Variants in STX12 observed in about 807,000 individuals in gnomAD.
STX12 encodes the protein syntaxin 12.
A neutral mutation model predicts 42.2 loss-of-function variants in STX12; 17 were observed. That is an observed-to-expected ratio of 0.40 (90% CI 0.28 to 0.60). STX12 has a LOEUF of 0.60. Ranked by LOEUF, STX12 falls within the 20% of genes least tolerant of loss-of-function variation. STX12 has a pLI of 0.39. For synonymous variants in STX12, 108 were observed against 116.7 expected (o/e 0.93, Z 0.48); for missense variants, 297 against 330.9 (o/e 0.90, Z 0.79).
Position 27,824,199 on chromosome 1 carries a change from C to A in STX12, c.*1870C>A, listed in dbSNP as rs1420915766. The A allele has an allele frequency of 1.3e-5, 2 of 152,026 alleles. No individual in the cohort carries two copies. 9.4% of individuals were successfully genotyped at this position (152,026 alleles called of 1,614,324 possible). A position where few individuals can be genotyped will look rare whatever the true frequency, so the allele number is the denominator to read the frequency against. On this transcript the variant is annotated 3_prime_UTR_variant, in exon 9 of 9. Transcript: ENST00000373943. ...TCCCTGTTTAACTCCAAATTACAGTCGGACTTGGATACATCATTTGTAACA... is the reference window on the plus strand; with the variant it reads ...TCCCTGTTTAACTCCAAATTACAGTAGGACTTGGATACATCATTTGTAACA...
intron 1 of STX12, among the ~76,000 whole-genome samples, chr1:27,788,064 T>C (rs1016493065): frequency 3.6e-4 from 55 of 152,194 alleles, no homozygotes; most frequent in African/African-American, 1.3e-3. Flanking sequence ...GAAAGCTGAA[T>C]GGCTGGAAGA....
intron 3 of STX12, among the ~76,000 whole-genome samples, chr1:27,796,300 A>G (rs2088785364): frequency 6.6e-6 from 1 of 151,986 alleles, no homozygotes; most frequent in Non-Finnish European, 1.5e-5. Flanking sequence ...ACATCAAACC[A>G]TACTCCTACT....
chr1:27,793,548 C>G lies in STX12; in HGVS notation c.204C>G (p.His68Gln). The change falls in exon 3 of 9, where the codon CAC (histidine) becomes CAG (glutamine). Residue 68 changes from histidine to glutamine, a missense_variant. Transcript: ENST00000373943. Reference protein sequence around the residue: ...KLQENLQQLQHSTNQLAKETN... With the variant: ...KLQENLQQLQQSTNQLAKETN... ...TCTCTCTTAGGCAACAGTTACAACA[C>G]TCCACAAATCAGCTCGCCAAGGAAA... 6.2e-7 allele frequency: 1 copy of G among 1,614,092 alleles called. No homozygotes were observed. The highest frequency in any genetic ancestry group is 2.2e-5 in the East Asian group (1 of 44,874).
At position 27,810,246 on chromosome 1, in the gene STX12, G is replaced by T; in HGVS notation, c.427G>T (p.Ala143Ser). 6.2e-7 allele frequency: 1 copy of T among 1,613,586 alleles called. No homozygotes were observed. The change falls in exon 5 of 9, where the codon GCA becomes TCA. Residue 143 changes from alanine (A) to serine (S), a missense_variant and splice_region_variant. By Grantham distance (99) the Ala-to-Ser change is moderately conservative. Transcript: ENST00000373943. ...ARARAGSRLS[A>S]EERQREEQLV... ...AGCAATAATACCATCTACTTTCTAGGCAGAAGAGAGGCAAAGAGAGGAGCA... is the reference window on the plus strand; with the variant it reads ...AGCAATAATACCATCTACTTTCTAGTCAGAAGAGAGGCAAAGAGAGGAGCA...
At chr1:27,787,826 A>G (rs2088709831) in intron 1 of STX12, among the ~76,000 whole-genome samples, 1 of 152,208 alleles carries the variant, frequency 6.6e-6, no homozygotes, top group Non-Finnish European at 1.5e-5. Context: ...CATTACCAAA[A>G]AGTAAATTTG....
At chr1:27,817,542 A>G (rs1432448606) in intron 6 of STX12, among the ~76,000 whole-genome samples, 1 of 152,240 alleles carries the variant, frequency 6.6e-6, no homozygotes, top group African/African-American at 2.4e-5. Context: ...CAGTCTCCAC[A>G]TAGGGCTATC....
chr1:27,806,141 A>G (rs186406693), intron 4 of STX12, among the ~76,000 whole-genome samples: 1 of 151,796 alleles, frequency 6.6e-6, no homozygotes, highest in Non-Finnish European at 1.5e-5. Context: ...ATATTGGGAA[A>G]CTCTTACAAT....
chr1:27,801,714 G>T lies in STX12; in HGVS notation c.325G>T (p.Asp109Tyr), dbSNP rs1331373478. The T allele has an allele frequency of 1.9e-6, 3 of 1,572,326 alleles. No homozygotes were observed. The highest frequency in any genetic ancestry group is 2.6e-6 in the Non-Finnish European group (3 of 1,165,122). ...ACTTCAGAAGGAACGCCTCATGAAT[G>T]ACTTCTCTGCAGCCTTAAACAATTT... ...QRLQKERLMNDFSAALNNFQA... is the reference protein window; with the variant it reads ...QRLQKERLMNYFSAALNNFQA... The change falls in exon 4 of 9, where the codon GAC (aspartate) becomes TAC (tyrosine). Residue 109 changes from aspartate to tyrosine, a missense_variant. Asp to Tyr is a radical substitution (Grantham distance 160). Transcript: ENST00000373943.
Position 27,808,265 on chromosome 1 carries a change from T to G in STX12, c.427-1981T>G, listed in dbSNP as rs114815971. Among the ~76,000 whole-genome samples the G allele has an allele frequency of 6.1e-3, 922 of 152,094 alleles. 12 individuals are homozygous for G. The highest frequency in any genetic ancestry group is 0.021 in the African/African-American group (874 of 41,542). On this transcript the variant is annotated intron_variant, in intron 4 of 8. Transcript: ENST00000373943. ...TATTGCTATTATAAAAAGGGTAAGC[T>G]TTTTAAAAATGAAAATACATTGATT...
chr1:27,783,215 C>T (rs1178817026), intron 1 of STX12, among the ~76,000 whole-genome samples: 1 of 152,166 alleles, frequency 6.6e-6, no homozygotes, highest in Non-Finnish European at 1.5e-5. Flanking sequence ...TGGATGTTAG[C>T]TGTAATGTAT....
rs1557795436 is a variant in STX12, at chr1:27,773,229, C to G, written c.-79C>G. The stretch of plus-strand genomic sequence containing the variant: ...CCCGCCCTTGCTCTTCCCAGTTTCT[C>G]CGTCAGCCTGCGGGTCCCGGCTGGC... On this transcript the variant is annotated 5_prime_UTR_variant, in exon 1 of 9. Transcript: ENST00000373943. 3 of 930,154 alleles carry G rather than the reference C, an allele frequency of 3.2e-6. No homozygotes were observed. The East Asian group carries it at 8.0e-5, about 25-fold the overall frequency. 57.6% of individuals were successfully genotyped at this position (930,154 alleles called of 1,614,324 possible).
chr1:27,793,599 G>A lies in STX12; in HGVS notation c.255G>A (p.Gly85=). 1 of 1,614,012 alleles carries A rather than the reference G, an allele frequency of 6.2e-7. No homozygotes were observed. The highest frequency in any genetic ancestry group is 8.5e-7 in the Non-Finnish European group (1 of 1,179,976). ...CAAATGAATTGCTGAAAGAATTAGG[G>A]TCCTTGCCCCTTCCCTTATCTACTT... ...KETNELLKEL[G]SLPLPLSTSE... The change falls in exon 3 of 9, where the codon GGG becomes GGA. Residue 85 remains glycine (G), a synonymous_variant. Transcript: ENST00000373943.
intron 8 of STX12, 128 bp downstream of exon 8, chr1:27,819,860 C>A (rs1378237644): frequency 3.0e-6 from 2 of 657,826 alleles, no homozygotes; most frequent in Non-Finnish European, 2.6e-6. Context: ...GTCATAATTG[C>A]AGTCCCAGTT....
At chr1:27,781,493 C>T (rs1168108931) in intron 1 of STX12, among the ~76,000 whole-genome samples, 8 of 152,134 alleles carry the variant, frequency 5.3e-5, no homozygotes, top group Admixed American at 5.2e-4. Context: ...ACCTATTTCT[C>T]AGTTTCCTTA....
intron 1 of STX12, among the ~76,000 whole-genome samples, chr1:27,786,497 C>T (rs879820356): frequency 1.3e-5 from 2 of 152,146 alleles, no homozygotes; most frequent in African/African-American, 2.4e-5. Context: ...GTATCCTCTG[C>T]CCACCGCTGT....
chr1:27,791,013 C>A (rs185947724), intron 2 of STX12, among the ~76,000 whole-genome samples: 1 of 152,034 alleles, frequency 6.6e-6, no homozygotes, highest in Non-Finnish European at 1.5e-5. Context: ...GTAATCCCAG[C>A]GCTTTGGGAG....
At chr1:27,799,478 T>G (rs1034634224) in intron 3 of STX12, among the ~76,000 whole-genome samples, 1 of 121,836 alleles carries the variant, frequency 8.2e-6, no homozygotes, top group Non-Finnish European at 1.6e-5. Context: ...CATTAGCTTG[T>G]TTTTTTTTTT....
At chr1:27,788,943 C>T (rs1461160280) in intron 1 of STX12, among the ~76,000 whole-genome samples, 5 of 151,720 alleles carry the variant, frequency 3.3e-5, no homozygotes, top group African/African-American at 1.2e-4. Flanking sequence ...ACCCAGGAGG[C>T]GGAGCTTGCG....
intron 6 of STX12, among the ~76,000 whole-genome samples, chr1:27,814,832 T>G: frequency 7.0e-6 from 1 of 142,466 alleles, no homozygotes. Context: ...AGCGAGACTC[T>G]GTCTCAAAAA....
Sources: gnomAD v4.1 joint callset for allele counts (sites outside exome capture counted in the v4.1 genomes callset) on GRCh38, gnomAD v4.1.1 for gene constraint, MANE v1.5 for transcripts, NCBI Gene and HGNC (gene_info 2026-07-23, HGNC 2026-07-21) for gene names.